The following NAV3 variants were observed in gnomAD, a reference collection of about 807,000 sequenced individuals.
NAV3 encodes neuron navigator 3.
Under a neutral mutation model 244.7 loss-of-function variants are expected in NAV3, and 87 were observed. That is an observed-to-expected ratio of 0.36 (90% CI 0.30 to 0.42). The LOEUF (loss-of-function observed/expected upper bound fraction) is 0.42, where lower values mean the gene tolerates loss of function less well. Among genes scored for constraint, NAV3 ranks in the 20% least tolerant of loss-of-function variants. The pLI is 1.00. For synonymous variants in NAV3, 1,126 were observed against 1,042.2 expected, an observed-to-expected ratio of 1.08 and a Z score of -1.55; for missense variants, 2,663 against 2,893.3, an observed-to-expected ratio of 0.92 and a Z score of 1.83.
At chr12:77,659,843 A>C (rs1873343736) in intron 2 of NAV3, among the ~76,000 whole-genome samples, 1 of 152,124 alleles carries the variant, frequency 6.6e-6, no homozygotes, top group South Asian at 2.1e-4. Flanking sequence ...CATCATTCTC[A>C]GTAAACTATC....
intron 39 of NAV3, among the ~76,000 whole-genome samples, chr12:78,208,815 C>T (rs1278542599): frequency 6.6e-6 from 1 of 152,116 alleles, no homozygotes; most frequent in Admixed American, 6.6e-5. Context: ...CTTACTAAAT[C>T]ACTAGGGTGC....
rs143469253 is a variant in NAV3, at chr12:77,766,476, A to T, written c.73-173843A>T. Among the ~76,000 whole-genome samples, 14 of 152,284 alleles carry T rather than the reference A, an allele frequency of 9.2e-5. No individual in the cohort carries two copies. In the East Asian group the frequency reaches 2.7e-3, roughly 29 times the overall value. The stretch of plus-strand genomic sequence containing the variant: ...CCCAATTATCTTGGCCTAAATACAC[A>T]TTCATCAACTTGCTGTCTAATGTGG... On this transcript the variant is annotated intron_variant, in intron 2 of 8. Coordinates refer to the NAV3 transcript ENST00000550042.
intron 7 of NAV3, 27 bp downstream of exon 7, chr12:77,998,503 A>T (rs555001037): frequency 6.3e-7 from 1 of 1,578,020 alleles, no homozygotes; most frequent in South Asian, 1.2e-5. Flanking sequence ...TCATTATGAC[A>T]CAAGTCCAAC....
chr12:78,191,944 C>T (rs387311), intron 34 of NAV3, among the ~76,000 whole-genome samples: 69,833 of 151,768 alleles, frequency 0.46, 16,885 homozygotes, highest in East Asian at 0.8. Flanking sequence ...TTGGAGGAGA[C>T]CATGACATTT....
intron 2 of NAV3, among the ~76,000 whole-genome samples, chr12:77,754,703 G>A (rs1419880518): frequency 6.6e-6 from 1 of 152,136 alleles, no homozygotes; most frequent in Non-Finnish European, 1.5e-5. Context: ...AAAATCTTAC[G>A]AAGATGTTAA....
chr12:77,857,668 A>G (rs1826956842), intron 1 of NAV3, among the ~76,000 whole-genome samples: 1 of 151,930 alleles, frequency 6.6e-6, no homozygotes, highest in African/African-American at 2.4e-5. Context: ...GACTTTAGAA[A>G]AAGTTTGCCT....
At chr12:77,665,782 G>GT (rs1206247429) in intron 2 of NAV3, among the ~76,000 whole-genome samples, 7 of 152,172 alleles carry the variant, frequency 4.6e-5, no homozygotes, top group Non-Finnish European at 7.4e-5. Flanking sequence ...AGGGCACACT[G>GT]TGATCCCTGT....
chr12:78,156,065 T>C (rs1957293159), intron 22 of NAV3, among the ~76,000 whole-genome samples: 1 of 152,156 alleles, frequency 6.6e-6, no homozygotes, highest in African/African-American at 2.4e-5. Flanking sequence ...ATAAAATCTT[T>C]GCCCTTACCT....
At chr12:77,605,968 A>G (rs1870651182) in intron 2 of NAV3, among the ~76,000 whole-genome samples, 1 of 152,204 alleles carries the variant, frequency 6.6e-6, no homozygotes, top group Non-Finnish European at 1.5e-5. Flanking sequence ...AACATTTTGC[A>G]TATACAGGAA....
intron 2 of NAV3, among the ~76,000 whole-genome samples, chr12:77,624,677 C>T (rs2136888903): frequency 6.6e-6 from 1 of 152,174 alleles, no homozygotes; most frequent in Non-Finnish European, 1.5e-5. Context: ...AGAAGAATGA[C>T]TCCAAAGTTT....
chr12:78,011,224 G>A (rs971093896), intron 8 of NAV3, among the ~76,000 whole-genome samples: 2 of 152,102 alleles, frequency 1.3e-5, no homozygotes. Flanking sequence ...AAGTGGCAAA[G>A]TGACCAGTTA....
intron 5 of NAV3, among the ~76,000 whole-genome samples, chr12:77,989,019 G>A (rs1357982698): frequency 6.6e-6 from 1 of 152,124 alleles, no homozygotes; most frequent in Non-Finnish European, 1.5e-5. Flanking sequence ...GAAATGGGGA[G>A]AGATTGATCA....
intron 2 of NAV3, among the ~76,000 whole-genome samples, chr12:77,781,506 C>T (rs941231734): frequency 3.3e-5 from 5 of 152,130 alleles, no homozygotes; most frequent in African/African-American, 1.2e-4. Flanking sequence ...GACCTGGAAC[C>T]TCCCCACCCC....
intron 2 of NAV3, among the ~76,000 whole-genome samples, chr12:77,611,253 T>C (rs2136820185): frequency 6.6e-6 from 1 of 152,124 alleles, no homozygotes; most frequent in Non-Finnish European, 1.5e-5. Context: ...TCTAATTTTC[T>C]ATTTATTTTA....
At chr12:78,168,891 C>A in intron 24 of NAV3, 25 bp downstream of exon 24, 1 of 1,488,198 alleles carries the variant, frequency 6.7e-7, no homozygotes, top group Non-Finnish European at 9.2e-7. Flanking sequence ...CATTTCATTT[C>A]CACCCAATAT....
At chr12:77,850,405 T>C (rs1877332740) in intron 1 of NAV3, among the ~76,000 whole-genome samples, 1 of 152,210 alleles carries the variant, frequency 6.6e-6, no homozygotes, top group Non-Finnish European at 1.5e-5. Context: ...CCAAGTGCAT[T>C]GTAATTTATA....
chr12:77,668,279 A>G (rs919402936), intron 2 of NAV3, among the ~76,000 whole-genome samples: 4 of 152,206 alleles, frequency 2.6e-5, no homozygotes, highest in South Asian at 2.1e-4. Flanking sequence ...CCAAACCAAG[A>G]TGAAATCTCT....
At chr12:77,732,346 A>G (rs141419624) in intron 2 of NAV3, among the ~76,000 whole-genome samples, 24 of 152,088 alleles carry the variant, frequency 1.6e-4, no homozygotes, top group African/African-American at 5.8e-4. Flanking sequence ...TTTGATACAC[A>G]CAGGGAAAAT....
chr12:78,134,100 A>G (rs139107883), intron 18 of NAV3, among the ~76,000 whole-genome samples: 1 of 150,886 alleles, frequency 6.6e-6, no homozygotes, highest in East Asian at 1.9e-4. Context: ...TCTAAATTCG[A>G]TGGATCCTTT....
Sources: allele counts gnomAD v4.1 joint callset (sites outside exome capture counted in the v4.1 genomes callset), GRCh38; gene constraint gnomAD v4.1.1; transcripts MANE v1.5; gene names NCBI Gene and HGNC (gene_info 2026-07-23, HGNC 2026-07-21).